The following ENO4 variants were observed in gnomAD, a reference collection of about 807,000 sequenced individuals.
The protein encoded by ENO4 is 2-phospho-D-glycerate hydro-lyase.
ENO4 carries 53 observed loss-of-function variants against 63.2 expected under a neutral mutation model. That is an observed-to-expected ratio of 0.84 (90% confidence interval 0.67 to 1.05). The LOEUF (loss-of-function observed/expected upper bound fraction) is 1.05, where lower values mean the gene tolerates loss of function less well. Ranked by LOEUF, ENO4 falls within the 50% of genes least tolerant of loss-of-function variation. The pLI is 0.00. For missense variants in ENO4, 719 were observed against 772.0 expected (o/e 0.93, Z 0.81); for synonymous variants, 266 against 283.8 (o/e 0.94, Z 0.63).
chr10:116,893,327 C>G (rs182064532), intron 10 of ENO4, among the ~76,000 whole-genome samples: 3 of 152,134 alleles, frequency 2.0e-5, no homozygotes, highest in African/African-American at 7.2e-5. Context: ...CATGTACAGG[C>G]GCACATGGAG....
At chr10:116,886,751 T>A (rs1022814739), downstream of ENO4, among the ~76,000 whole-genome samples, 3 of 152,174 alleles carry the variant, frequency 2.0e-5, no homozygotes, top group African/African-American at 7.2e-5. Flanking sequence ...ACACAGCTGA[T>A]ACTAGGAGCA....
chr10:116,850,208 C>T (rs1846034268), intron 1 of ENO4: 1 of 226,794 alleles, frequency 4.4e-6, no homozygotes, highest in Non-Finnish European at 8.9e-6. Flanking sequence ...ATCCTACTGG[C>T]TCCTCTGCCG....
intron 1 of ENO4, among the ~76,000 whole-genome samples, chr10:116,851,621 T>G (rs772185944): frequency 2.0e-5 from 3 of 152,210 alleles, no homozygotes; most frequent in Non-Finnish European, 4.4e-5. Flanking sequence ...GCCAGAGCAG[T>G]GTCCTAACAT....
At chr10:116,888,234 AC>A (rs1847223848) in intron 10 of ENO4, among the ~76,000 whole-genome samples, 1 of 152,208 alleles carries the variant, frequency 6.6e-6, no homozygotes, top group Non-Finnish European at 1.5e-5. Flanking sequence ...TGGCCAAGGA[AC>A]TACTTCTCCA....
At chr10:116,901,817 C>A (rs1457896401) in intron 10 of ENO4, 1 of 1,600,874 alleles carries the variant, frequency 6.2e-7, no homozygotes, top group East Asian at 2.2e-5. Context: ...GGCCCTTCAC[C>A]TGGCTCAGGT....
chr10:116,860,482 A>C (rs1362129479), intron 4 of ENO4, among the ~76,000 whole-genome samples: 1 of 152,220 alleles, frequency 6.6e-6, no homozygotes, highest in African/African-American at 2.4e-5. Flanking sequence ...TTTCTGTTAC[A>C]TGTTGGGCAA....
At chr10:116,858,857 G>A (rs576219570) in intron 3 of ENO4, 133 bp from the exon 4 acceptor site, 31 of 473,326 alleles carry the variant, frequency 6.5e-5, no homozygotes, top group Admixed American at 4.3e-4. Context: ...GAAAATTAAA[G>A]TTGATTTGTT....
At chr10:116,897,917 C>T (rs1847578711) in intron 10 of ENO4, among the ~76,000 whole-genome samples, 1 of 152,180 alleles carries the variant, frequency 6.6e-6, no homozygotes, top group Admixed American at 6.5e-5. Context: ...CTCCCGTCTA[C>T]AGGCTTTTAT....
intron 8 of ENO4, among the ~76,000 whole-genome samples, chr10:116,869,772 C>T (rs1009439810): frequency 6.6e-6 from 1 of 152,072 alleles, no homozygotes; most frequent in Admixed American, 6.5e-5. Flanking sequence ...ACTACTTTTT[C>T]TTTTTCCCAT....
intron 3 of ENO4, among the ~76,000 whole-genome samples, chr10:116,857,768 G>T (rs1479338652): frequency 6.6e-6 from 1 of 151,804 alleles, no homozygotes; most frequent in Non-Finnish European, 1.5e-5. Flanking sequence ...CCTCTGAGTA[G>T]CTGGGATTAC....
chr10:116,854,297 C>T (rs1846183804), intron 1 of ENO4, among the ~76,000 whole-genome samples: 2 of 152,138 alleles, frequency 1.3e-5, no homozygotes, highest in Non-Finnish European at 2.9e-5. Flanking sequence ...CGGTGGCTCA[C>T]GGCTGTAATC....
downstream of ENO4, among the ~76,000 whole-genome samples, chr10:116,886,920 G>A (rs947556638): frequency 5.6e-5 from 8 of 143,430 alleles, no homozygotes; most frequent in South Asian, 2.6e-4. Flanking sequence ...ACCCCCACCC[G>A]CCCTCACTTA....
Position 116,856,599 on chromosome 10 carries a change from C to T in ENO4, c.402C>T (p.Ala134=), listed in dbSNP as rs7083543. 425,430 of 1,535,840 alleles carry T rather than the reference C, an allele frequency of 0.28. 60,963 individuals are homozygous for T. Among genetic ancestry groups the T allele is most frequent in the African/African-American group, 0.42 (30,959 of 73,056 alleles). The change falls in exon 3 of 14, where the codon GCC becomes GCT. Residue 134 remains alanine, a synonymous_variant. Transcript: ENST00000341276. Reference sequence around the variant, plus strand: ...AGAGGGCCAGCGCGGTGAGCACCGCCGTGCAGTGGGTCAACAGCACCATCA... The same window carrying T: ...AGAGGGCCAGCGCGGTGAGCACCGCTGTGCAGTGGGTCAACAGCACCATCA... ...EAERASAVST[A]VQWVNSTITH...
In ENO4 at chr10:116,881,851, G is replaced by A; in HGVS notation, c.*182G>A. 1 of 474,384 alleles carries A rather than the reference G, an allele frequency of 2.1e-6. No homozygotes were observed. The highest frequency in any genetic ancestry group is 3.5e-6 in the Non-Finnish European group (1 of 288,066). 29.4% of individuals were successfully genotyped at this position (474,384 alleles called of 1,614,324 possible). On this transcript the variant is annotated 3_prime_UTR_variant, in exon 14 of 14. Transcript: ENST00000341276. ...ATGATGTTTTTGCCTGAAATTCTGT[G>A]AACTTCGTTTTGCAGCCACCACACT... is the stretch of plus-strand genomic sequence containing the variant.
chr10:116,856,455 G>A (rs1846259762), intron 2 of ENO4, 37 bp from the exon 3 acceptor site: 2 of 1,495,560 alleles, frequency 1.3e-6, no homozygotes, highest in African/African-American at 2.8e-5. Context: ...TCTGGGAGAG[G>A]TAGGGAAAGT....
rs1218121253 is a variant in ENO4 at position 116,911,451 on chromosome 10, T to C, written c.1195-48T>C. The C allele has an allele frequency of 3.2e-6, 5 of 1,547,016 alleles. No individual in the cohort carries two copies. The South Asian group carries it at 4.8e-5, about 15-fold the overall frequency. On this transcript the variant is annotated intron_variant, in intron 10 of 10. Coordinates refer to the ENO4 transcript ENST00000369207. Reference sequence around the variant, plus strand: ...TCAAAGTAAAGCATTATTCATCTATTATATTTCTGTTTTTCATCAACATGT... The same window carrying C: ...TCAAAGTAAAGCATTATTCATCTATCATATTTCTGTTTTTCATCAACATGT...
Position 116,853,313 on chromosome 10 carries a change from A to C in ENO4, c.166-2310A>C, listed in dbSNP as rs572143208. 4.1e-3 allele frequency among the ~76,000 whole-genome samples: 624 copies of C among 151,740 alleles called. 3 individuals carry two copies. Among genetic ancestry groups the C allele is most frequent in the African/African-American group, 0.015 (604 of 41,356 alleles). ...CCGTCTCAAAAAAAAAAAAAAAAAA[A>C]ACCAAAGCAGTAGATAATGAAAACA... is the stretch of plus-strand genomic sequence containing the variant. On this transcript the variant is annotated intron_variant, in intron 1 of 13. Transcript: ENST00000341276.
At chr10:116,889,996 G>T (rs1437196617) in intron 10 of ENO4, among the ~76,000 whole-genome samples, 1 of 152,084 alleles carries the variant, frequency 6.6e-6, no homozygotes, top group Non-Finnish European at 1.5e-5. Flanking sequence ...CGTATGGGAA[G>T]AGCCACAGAG....
At chr10:116,866,220 G>A (rs1846544813) in intron 7 of ENO4, among the ~76,000 whole-genome samples, 2 of 152,160 alleles carry the variant, frequency 1.3e-5, no homozygotes, top group Admixed American at 6.5e-5. Context: ...TCACATTTCT[G>A]TTGACTTTCC....
Sources: gnomAD v4.1 joint callset for allele counts (sites outside exome capture counted in the v4.1 genomes callset) on GRCh38, gnomAD v4.1.1 for gene constraint, MANE v1.5 for transcripts, NCBI Gene and HGNC (gene_info 2026-07-23, HGNC 2026-07-21) for gene names.